PRDM6: variants seen among roughly 807,000 people sequenced by gnomAD.
The protein encoded by PRDM6 is putative histone-lysine N-methyltransferase PRDM6.
PRDM6 carries 25 observed loss-of-function variants against 60.8 expected under a neutral mutation model. The observed-to-expected ratio is 0.41, with a 90% CI of 0.30 to 0.57. PRDM6 has a LOEUF of 0.57. Among genes scored for constraint, PRDM6 ranks in the 20% least tolerant of loss-of-function variants. The pLI is 0.27. For missense variants in PRDM6, 839 were observed against 821.3 expected, an observed-to-expected ratio of 1.02 and a Z score of -0.26; for synonymous variants, 407 against 357.4, an observed-to-expected ratio of 1.14 and a Z score of -1.57.
At chr5:123,112,035 G>C (rs1302404453) in intron 3 of PRDM6, among the ~76,000 whole-genome samples, 1 of 152,172 alleles carries the variant, frequency 6.6e-6, no homozygotes, top group East Asian at 1.9e-4. Flanking sequence ...GAACTCCCAT[G>C]ACTTCCATCT....
rs893364128 is a variant in PRDM6, at chr5:123,180,240, G to A, written c.1590G>A (p.Lys530=). ...VVTHSSDRPF[K]CGYCGRAFAG... is the part of the protein sequence containing the mutation. The stretch of plus-strand genomic sequence containing the variant: ...CTCACTCTAGTGACCGGCCTTTCAA[G>A]TGCGGCTACTGTGGTCGTGCCTTTG... The change falls in exon 7 of 8, where the codon AAG becomes AAA. Residue 530 remains lysine, a synonymous_variant. Transcript: ENST00000407847. 3.9e-6 allele frequency: 6 copies of A among 1,551,812 alleles called. No individual in the cohort carries two copies. Among genetic ancestry groups the A allele is most frequent in the Non-Finnish European group, 5.2e-6 (6 of 1,147,052 alleles).
chr5:123,124,374 T>G (rs1476405862), intron 3 of PRDM6, among the ~76,000 whole-genome samples: 1 of 152,220 alleles, frequency 6.6e-6, no homozygotes, highest in Non-Finnish European at 1.5e-5. Flanking sequence ...TCAGACACAC[T>G]TCATATAGTG....
At chr5:123,178,329 T>A (rs1766063725) in intron 6 of PRDM6, among the ~76,000 whole-genome samples, 1 of 152,212 alleles carries the variant, frequency 6.6e-6, no homozygotes, top group African/African-American at 2.4e-5. Flanking sequence ...CAATTGTCAG[T>A]GAATATAGCA....
At chr5:123,129,019 G>T (rs1468321179) in intron 3 of PRDM6, among the ~76,000 whole-genome samples, 1 of 152,156 alleles carries the variant, frequency 6.6e-6, no homozygotes, top group Non-Finnish European at 1.5e-5. Flanking sequence ...ATTAAATAGG[G>T]AATCGTTTCC....
At chr5:123,143,970 T>G (rs1765180252) in intron 3 of PRDM6, among the ~76,000 whole-genome samples, 1 of 152,174 alleles carries the variant, frequency 6.6e-6, no homozygotes, top group South Asian at 2.1e-4. Context: ...AAAGAAGGCC[T>G]CCTTCTTTCA....
At position 123,189,584 on chromosome 5, in the gene PRDM6, C is replaced by A. The variant is rs928680295; in HGVS notation, c.*2383C>A. 4 of 152,250 alleles carry A rather than the reference C, an allele frequency of 2.6e-5. No individual in the cohort carries two copies. The highest frequency in any genetic ancestry group is 4.4e-5 in the Non-Finnish European group (3 of 68,056). The allele number at this position is 152,250 out of a possible 1,614,324, so 9.4% of individuals were successfully genotyped here. On this transcript the variant is annotated 3_prime_UTR_variant, in exon 8 of 8. Coordinates refer to ENST00000407847, the MANE Select transcript of PRDM6 (RefSeq NM_001136239.4). Reference sequence around the variant, plus strand: ...TGGCAGTAACCTGTACTCCAAAACACTCTTCTAGTGTTCTGCTCCATTTAA... The same window carrying A: ...TGGCAGTAACCTGTACTCCAAAACAATCTTCTAGTGTTCTGCTCCATTTAA...
At chr5:123,149,249 T>A (rs1454841958) in intron 3 of PRDM6, among the ~76,000 whole-genome samples, 1 of 152,178 alleles carries the variant, frequency 6.6e-6, no homozygotes, top group Admixed American at 6.5e-5. Flanking sequence ...CTCTCTAGAC[T>A]GGGGAGCAGT....
chr5:123,182,135 A>G (rs1766179762), intron 7 of PRDM6, among the ~76,000 whole-genome samples: 1 of 152,220 alleles, frequency 6.6e-6, no homozygotes. Flanking sequence ...CAAAGAGGGC[A>G]TCTTTTTCTA....
rs1261052636 is a variant in PRDM6 at position 123,182,515 on chromosome 5, A to G, written c.1673+2192A>G. Among the ~76,000 whole-genome samples the G allele has an allele frequency of 4.6e-5, 7 of 152,340 alleles. No individual in the cohort carries two copies. In the South Asian group the frequency reaches 1.2e-3, roughly 27 times the overall value. On this transcript the variant is annotated intron_variant, in intron 7 of 7. Transcript: ENST00000407847. ...GGGTCAAAATGGGAAATAGATTTCT[A>G]TTAATGTTAAGGTGTTACTTATGTG...
chr5:123,124,675 T>C (rs1308340970), intron 3 of PRDM6, among the ~76,000 whole-genome samples: 1 of 152,224 alleles, frequency 6.6e-6, no homozygotes, highest in African/African-American at 2.4e-5. Context: ...GTAGACAAGT[T>C]TGACAGCACT....
Position 123,090,595 on chromosome 5 carries a change from A to T in PRDM6, c.581A>T (p.Asp194Val), listed in dbSNP as rs965845551. 6 of 1,519,368 alleles carry T rather than the reference A, an allele frequency of 3.9e-6. No homozygotes were observed. In the African/African-American group the frequency reaches 7.1e-5, roughly 18 times the overall value. The allele number at this position is 1,519,368 out of a possible 1,614,324, so 94.1% of individuals were successfully genotyped here. The change falls in exon 2 of 8, where the codon GAC (aspartate) becomes GTC (valine). Residue 194 changes from aspartate (D) to valine (V), a missense_variant. Asp to Val is a radical substitution (Grantham distance 152). Transcript: ENST00000407847. ...EIIPLNQHTS[D>V]PNNRCDMCAD... ...ATCCCGCTCAACCAGCACACCAGCGACCCCAACAACCGTACGTAGCCGCAG... is the reference window on the plus strand; with the variant it reads ...ATCCCGCTCAACCAGCACACCAGCGTCCCCAACAACCGTACGTAGCCGCAG...
chr5:123,136,109 T>C (rs1764943989), intron 3 of PRDM6, among the ~76,000 whole-genome samples: 1 of 152,186 alleles, frequency 6.6e-6, no homozygotes, highest in Non-Finnish European at 1.5e-5. Context: ...AGAGGCCTCT[T>C]TGAAGTGAGA....
At chr5:123,120,162 G>A (rs1422277) in intron 3 of PRDM6, among the ~76,000 whole-genome samples, 57 of 152,292 alleles carry the variant, frequency 3.7e-4, no homozygotes, top group East Asian at 2.7e-3. Flanking sequence ...TTAGAAAGCC[G>A]AAGTTTAGAG....
In PRDM6 at chr5:123,090,215, C is replaced by T; in HGVS notation, c.201C>T (p.Asp67=). ...CGGAGCGCGCTGAGCCTCCGCCGGA[C>T]AGCCTGCGCCCGCGGCCCGCCTCTC... is the stretch of plus-strand genomic sequence containing the variant. ...PPPERAEPPP[D]SLRPRPASLS... The change falls in exon 2 of 8, where the codon GAC becomes GAT. Residue 67 remains aspartate (D), a synonymous_variant. Transcript: ENST00000407847. The T allele has an allele frequency of 1.4e-6, 2 of 1,472,900 alleles. No homozygotes were observed. Among genetic ancestry groups the T allele is most frequent in the Non-Finnish European group, 9.0e-7 (1 of 1,113,628 alleles). The allele number at this position is 1,472,900 out of a possible 1,614,324, so 91.2% of individuals were successfully genotyped here.
At chr5:123,100,997 C>T (rs1764090669) in intron 3 of PRDM6, among the ~76,000 whole-genome samples, 1 of 152,132 alleles carries the variant, frequency 6.6e-6, no homozygotes, top group Non-Finnish European at 1.5e-5. Flanking sequence ...TTCTTAAATG[C>T]CAGGGGTCAG....
At position 123,187,240 on chromosome 5, in the gene PRDM6, T is replaced by C. The variant is rs1313349883; in HGVS notation, c.*39T>C. On this transcript the variant is annotated 3_prime_UTR_variant, in exon 8 of 8. Transcript: ENST00000407847. ...TGGAATTAAACTGCAAGGAAAGTCA[T>C]GATTAAATGTCACGGACACTTAAGC... The C allele has an allele frequency of 2.1e-6, 3 of 1,460,808 alleles. No individual in the cohort carries two copies. The highest frequency in any genetic ancestry group is 3.9e-5 in the Admixed American group (2 of 50,740). 90.5% of individuals were successfully genotyped at this position (1,460,808 alleles called of 1,614,324 possible).
intron 6 of PRDM6, among the ~76,000 whole-genome samples, chr5:123,179,861 C>A (rs1488025927): frequency 6.6e-6 from 1 of 152,168 alleles, no homozygotes; most frequent in African/African-American, 2.4e-5. Flanking sequence ...AGTACCCTAA[C>A]ATTTGCCTGG....
chr5:123,182,007 G>A lies in PRDM6; in HGVS notation c.1673+1684G>A, dbSNP rs79913013. On this transcript the variant is annotated intron_variant, in intron 7 of 7. Coordinates refer to ENST00000407847, the MANE Select transcript of PRDM6 (RefSeq NM_001136239.4). The stretch of plus-strand genomic sequence containing the variant: ...TCAAAATAGTGATAATTTTTGTTGC[G>A]GTACATAGGTGCAGCTTGTTCACTG... Among the ~76,000 whole-genome samples, 1,104 of 152,246 alleles carry A rather than the reference G, an allele frequency of 7.3e-3. 12 individuals carry two copies. Among genetic ancestry groups the A allele is most frequent in the African/African-American group, 0.024 (990 of 41,534 alleles).
chr5:123,154,320 C>G lies in PRDM6; in HGVS notation c.901-1564C>G, dbSNP rs182938936. Among the ~76,000 whole-genome samples the G allele has an allele frequency of 4.7e-3, 710 of 152,152 alleles. 2 individuals are homozygous for G. The highest frequency in any genetic ancestry group is 0.024 in the Middle Eastern group (7 of 294). On this transcript the variant is annotated intron_variant, in intron 3 of 7. Transcript: ENST00000407847. ...CTAGAAATTTAAAGAAGTCATTAGC[C>G]TTAAATAAATATAATCCAAGAATCT...
Sources: gnomAD v4.1 joint callset for allele counts (sites outside exome capture counted in the v4.1 genomes callset) on GRCh38, gnomAD v4.1.1 for gene constraint, MANE v1.5 for transcripts, NCBI Gene and HGNC (gene_info 2026-07-23, HGNC 2026-07-21) for gene names.